Variants in CCDC7 observed in about 807,000 individuals in gnomAD.
CCDC7 encodes the protein coiled-coil domain-containing protein 7.
A neutral mutation model predicts 196.9 loss-of-function variants in CCDC7; 183 were observed. The observed-to-expected ratio is 0.93, with a 90% CI of 0.82 to 1.05. The LOEUF (loss-of-function observed/expected upper bound fraction) is 1.05. Among genes scored for constraint, CCDC7 ranks in the 50% least tolerant of loss-of-function variants. CCDC7 has a pLI of 0.00. For synonymous variants in CCDC7, 525 were observed against 484.6 expected (o/e 1.08, Z -1.10); for missense variants, 1,540 against 1,482.2 (o/e 1.04, Z -0.64).
intron 13 of CCDC7, among the ~76,000 whole-genome samples, chr10:32,561,298 A>T (rs567420856): frequency 6.6e-6 from 1 of 152,326 alleles, no homozygotes; most frequent in Admixed American, 6.5e-5. Context: ...CACCAAGCAG[A>T]CCTAATAGAC....
At position 32,667,581 on chromosome 10, in the gene CCDC7, A is replaced by C. The variant is rs575023614; in HGVS notation, c.2122+3420A>C. ...GGAAGGGATCCAGTTTCAGCTTTCT[A>C]CATATGGCTAGCCAGTTTTCCCAGC... On this transcript the variant is annotated intron_variant, in intron 21 of 41. Coordinates refer to ENST00000639629, the Ensembl canonical transcript of CCDC7. Among the ~76,000 whole-genome samples, 22 of 152,278 alleles carry C rather than the reference A, an allele frequency of 1.4e-4. 1 individual carries two copies. The highest frequency in any genetic ancestry group is 1.2e-3 in the East Asian group (6 of 5,188).
At chr10:32,587,716 ACTT>A (rs2059419008) in intron 18 of CCDC7, among the ~76,000 whole-genome samples, 1 of 152,206 alleles carries the variant, frequency 6.6e-6, no homozygotes, top group Non-Finnish European at 1.5e-5. Flanking sequence ...AGATAGTTTT[ACTT>A]CTTCCTTTCC....
intron 16 of CCDC7, among the ~76,000 whole-genome samples, chr10:32,573,450 C>A (rs1331304616): frequency 2.0e-5 from 3 of 152,110 alleles, no homozygotes; most frequent in African/African-American, 7.2e-5. Flanking sequence ...AGTTTCTGGT[C>A]TCTATGAAGA....
chr10:32,833,452 A>G (rs559548693), intron 32 of CCDC7, among the ~76,000 whole-genome samples: 12 of 152,010 alleles, frequency 7.9e-5, no homozygotes, highest in Non-Finnish European at 1.5e-4. Flanking sequence ...AAAATTGTGA[A>G]TCTTACTAAA....
At chr10:32,739,532 C>T (rs2085451815) in intron 28 of CCDC7, among the ~76,000 whole-genome samples, 1 of 151,948 alleles carries the variant, frequency 6.6e-6, no homozygotes. Flanking sequence ...GTGTTGTCCA[C>T]TTTTTCTATC....
chr10:32,706,870 C>A (rs1046244158), intron 24 of CCDC7, among the ~76,000 whole-genome samples: 5 of 152,176 alleles, frequency 3.3e-5, no homozygotes, highest in African/African-American at 1.2e-4. Context: ...GATGGATTTA[C>A]AGCCGAATTC....
At chr10:32,701,316 T>A (rs1244413433) in intron 24 of CCDC7, among the ~76,000 whole-genome samples, 1 of 150,620 alleles carries the variant, frequency 6.6e-6, no homozygotes, top group Non-Finnish European at 1.5e-5. Context: ...GAGATAATCA[T>A]GTGGTTTGAT....
downstream of CCDC7, among the ~76,000 whole-genome samples, chr10:32,878,254 A>G (rs191947730): frequency 2.6e-5 from 4 of 152,202 alleles, no homozygotes; most frequent in East Asian, 1.9e-4. Context: ...GAATAATCCT[A>G]TGTGGCTTGT....
At chr10:32,646,548 A>T (rs191128313) in intron 20 of CCDC7, among the ~76,000 whole-genome samples, 4 of 152,262 alleles carry the variant, frequency 2.6e-5, no homozygotes, top group Admixed American at 2.6e-4. Context: ...TTTGTCTAGA[A>T]TGCAGTTTAA....
intron 21 of CCDC7, among the ~76,000 whole-genome samples, chr10:32,673,652 C>CAT (rs200875686): frequency 8.7e-5 from 2 of 22,862 alleles, no homozygotes; most frequent in South Asian, 1.9e-3. Context: ...AACCATTGTG[C>CAT]ACGTGTGTGT....
intron 29 of CCDC7, among the ~76,000 whole-genome samples, chr10:32,799,016 C>T (rs2084221483): frequency 6.6e-6 from 1 of 152,138 alleles, no homozygotes; most frequent in Non-Finnish European, 1.5e-5. Context: ...TTACTTGTGC[C>T]TTTAGGAGCT....
chr10:32,558,954 A>G (rs916646613), intron 13 of CCDC7, among the ~76,000 whole-genome samples: 1 of 152,058 alleles, frequency 6.6e-6, no homozygotes, highest in African/African-American at 2.4e-5. Context: ...AAATCAGGTC[A>G]CTCCCGCCCT....
chr10:32,794,901 G>A (rs1338195939), intron 29 of CCDC7, among the ~76,000 whole-genome samples: 1 of 152,144 alleles, frequency 6.6e-6, no homozygotes, highest in Admixed American at 6.5e-5. Flanking sequence ...GTTCTCTCTA[G>A]GTATGGCAGC....
intron 18 of CCDC7, among the ~76,000 whole-genome samples, chr10:32,592,536 C>T (rs77398900): frequency 0.077 from 11,487 of 150,076 alleles, 531 homozygotes; most frequent in East Asian, 0.16. Context: ...TTTTTGTTTT[C>T]ATTTATCTCA....
At chr10:32,747,310 A>G (rs1335094193) in intron 28 of CCDC7, among the ~76,000 whole-genome samples, 1 of 152,248 alleles carries the variant, frequency 6.6e-6, no homozygotes, top group Admixed American at 6.5e-5. Flanking sequence ...TGCCCTGGCA[A>G]AGATTTCATA....
chr10:32,867,993 C>T (rs1565761065), intron 41 of CCDC7, among the ~76,000 whole-genome samples: 1 of 151,836 alleles, frequency 6.6e-6, no homozygotes, highest in African/African-American at 2.4e-5. Context: ...ACTATAAGTA[C>T]CTTATGTGGG....
At chr10:32,565,615 T>C (rs1319822779) in exon 14 of CCDC7, 1 of 1,609,298 alleles carries the variant, frequency 6.2e-7, no homozygotes. Context: ...GAAACAGGCT[T>C]TACAGGTAAA....
chr10:32,696,557 A>G (rs769071586), intron 24 of CCDC7, among the ~76,000 whole-genome samples: 12 of 152,042 alleles, frequency 7.9e-5, no homozygotes, highest in Non-Finnish European at 1.5e-4. Flanking sequence ...TCAATGGTAG[A>G]AGAGGAGAGC....
intron 8 of CCDC7, among the ~76,000 whole-genome samples, chr10:32,480,300 C>CT (rs2134110222): frequency 6.6e-6 from 1 of 151,516 alleles, no homozygotes; most frequent in East Asian, 1.9e-4. Context: ...GCTCTTTTGT[C>CT]TTTTTTTAAT....
Sources: gnomAD v4.1 joint callset for allele counts (sites outside exome capture counted in the v4.1 genomes callset) on GRCh38, gnomAD v4.1.1 for gene constraint, MANE v1.5 for transcripts, NCBI Gene and HGNC (gene_info 2026-07-23, HGNC 2026-07-21) for gene names.